The following ARFGEF2 variants were observed in gnomAD, a reference collection of about 807,000 sequenced individuals.
ARFGEF2 encodes brefeldin A-inhibited guanine nucleotide-exchange protein 2.
Under a neutral mutation model 219.9 loss-of-function variants are expected in ARFGEF2, and 74 were observed. The observed-to-expected ratio is 0.34, with a 90% CI of 0.28 to 0.41. The LOEUF (loss-of-function observed/expected upper bound fraction) is 0.41. ARFGEF2 is among the 10% of genes least tolerant of loss of function. The pLI is 1.00. For synonymous variants in ARFGEF2, 733 were observed against 799.2 expected, an observed-to-expected ratio of 0.92 and a Z score of 1.40; for missense variants, 1,743 against 2,218.3, an observed-to-expected ratio of 0.79 and a Z score of 4.30.
chr20:48,970,607 G>A (rs939186798), intron 9 of ARFGEF2, among the ~76,000 whole-genome samples: 4 of 151,894 alleles, frequency 2.6e-5, no homozygotes, highest in Admixed American at 1.3e-4. Context: ...GCAAAACTCC[G>A]TCTCAAAAAA....
At chr20:49,017,188 G>T (rs112119331) in intron 31 of ARFGEF2, 61 bp from the exon 32 acceptor site, 17 of 1,563,534 alleles carry the variant, frequency 1.1e-5, no homozygotes, top group Non-Finnish European at 1.3e-5. Flanking sequence ...CAGTATTTGA[G>T]ACCTGGTTGG....
intron 1 of ARFGEF2, among the ~76,000 whole-genome samples, chr20:48,935,700 G>T (rs963864988): frequency 1.3e-5 from 2 of 150,688 alleles, no homozygotes; most frequent in Non-Finnish European, 1.5e-5. Context: ...CCTCCTGGAC[G>T]GGGCGGCTAG....
chr20:49,033,853 T>C lies in ARFGEF2; in HGVS notation c.*654T>C, dbSNP rs1190738415. The C allele has an allele frequency of 6.6e-6, 1 of 152,560 alleles. No individual in the cohort carries two copies. The highest frequency in any genetic ancestry group is 6.5e-5 in the Admixed American group (1 of 15,270). 9.5% of individuals were successfully genotyped at this position (152,560 alleles called of 1,614,324 possible). ...AGTAATTAAGTTAGAATTAAGAGTT[T>C]TGCGAGGTTAAAAAAATGTGCCTCG... is the stretch of plus-strand genomic sequence containing the variant. On this transcript the variant is annotated 3_prime_UTR_variant, in exon 39 of 39. Coordinates refer to ENST00000371917, the MANE Select transcript of ARFGEF2 (RefSeq NM_006420.3).
At chr20:48,922,466 T>G (rs1265209277) in intron 1 of ARFGEF2, among the ~76,000 whole-genome samples, 1 of 152,178 alleles carries the variant, frequency 6.6e-6, no homozygotes, top group South Asian at 2.1e-4. Flanking sequence ...GAGAATGTTT[T>G]CCTTTGGTTT....
At chr20:49,029,836 G>T (rs912767529) in intron 37 of ARFGEF2, among the ~76,000 whole-genome samples, 1 of 150,838 alleles carries the variant, frequency 6.6e-6, no homozygotes, top group Non-Finnish European at 1.5e-5. Context: ...CAGGTGATCT[G>T]CCGACCTCCG....
At position 48,984,823 on chromosome 20, in the gene ARFGEF2, G is replaced by A; in HGVS notation, c.2053G>A (p.Glu685Lys). Residue 685 changes from glutamate (E) to lysine (K), a missense_variant, in exon 15 of 39, where the codon GAG becomes AAG. Glu to Lys is a moderately conservative substitution (Grantham distance 56). Around this residue, in one of 5 missense-constraint regions of ARFGEF2, gnomAD observed 666 missense variants for 955.4 expected, o/e 0.70. Transcript: ENST00000371917. ...AGACATAGCCCAATTCCTGCACCAG[G>A]AGGAGCGCCTGGATTCCGTAAGGCT... ...VEDIAQFLHQEERLDSTQVGD... is the reference protein window; with the variant it reads ...VEDIAQFLHQKERLDSTQVGD... 6.2e-7 allele frequency: 1 copy of A among 1,612,790 alleles called. No individual in the cohort carries two copies. Among genetic ancestry groups the A allele is most frequent in the African/African-American group, 1.3e-5 (1 of 74,984 alleles).
intron 25 of ARFGEF2, 89 bp from the exon 26 acceptor site, chr20:49,004,981 A>G (rs1380053649): frequency 8.5e-6 from 12 of 1,411,798 alleles, no homozygotes; most frequent in Non-Finnish European, 1.2e-5. Context: ...TTTGTTTTGA[A>G]GGTAGGCTGT....
At chr20:48,982,556 C>T (rs1168170817) in intron 14 of ARFGEF2, among the ~76,000 whole-genome samples, 1 of 152,192 alleles carries the variant, frequency 6.6e-6, no homozygotes, top group African/African-American at 2.4e-5. Flanking sequence ...TTTAAGTCTG[C>T]AGAAGTTTCT....
intron 22 of ARFGEF2, among the ~76,000 whole-genome samples, chr20:48,995,372 G>A (rs187266294): frequency 3.9e-5 from 6 of 152,244 alleles, no homozygotes; most frequent in Admixed American, 3.9e-4. Context: ...AATTGTAATA[G>A]CACCCACTTC....
In ARFGEF2 at chr20:48,980,848, C is replaced by T. The variant is rs1568719175; in HGVS notation, c.1959-3881C>T. Reference sequence around the variant, plus strand: ...TCCATTTGCTTGGTAGATCTTCCTCCATCCCTATATTTTGAGCCTGTGTGT... The same window carrying T: ...TCCATTTGCTTGGTAGATCTTCCTCTATCCCTATATTTTGAGCCTGTGTGT... On this transcript the variant is annotated intron_variant, in intron 14 of 38. Coordinates refer to ENST00000371917, the MANE Select transcript of ARFGEF2 (RefSeq NM_006420.3). 2.0e-5 allele frequency among the ~76,000 whole-genome samples: 3 copies of T among 152,236 alleles called. No homozygotes were observed. The East Asian group carries it at 5.8e-4, about 29-fold the overall frequency.
intron 3 of ARFGEF2, among the ~76,000 whole-genome samples, chr20:48,943,193 C>T (rs903707781): frequency 6.6e-6 from 1 of 152,134 alleles, no homozygotes; most frequent in African/African-American, 2.4e-5. Context: ...ATAGTGTTGC[C>T]TTGTTTGACC....
intron 26 of ARFGEF2, among the ~76,000 whole-genome samples, chr20:49,007,592 CTT>C (rs752508908): frequency 9.8e-4 from 96 of 97,834 alleles, no homozygotes; most frequent in African/African-American, 3.3e-3. Flanking sequence ...CCTGGTGTTG[CTT>C]TTTTTTTTTT....
In ARFGEF2 at chr20:49,032,065, C is replaced by T. The variant is rs375184784; in HGVS notation, c.5080C>T (p.Leu1694Phe). ...TTCTTCTAGTGTTTGCAGTGAAGCT[C>T]TTGCCTATTTCATCACTGTGAATTC... ...QRLLTVCSEA[L>F]AYFITVNSES... Residue 1694 changes from leucine (L) to phenylalanine (F), a missense_variant, in exon 38 of 39, where the codon CTT becomes TTT. This residue lies in a region of ARFGEF2 where 578 missense variants were observed against 664.0 expected (regional missense o/e 0.87). Transcript: ENST00000371917. 6.2e-7 allele frequency: 1 copy of T among 1,613,796 alleles called. No homozygotes were observed. The highest frequency in any genetic ancestry group is 8.5e-7 in the Non-Finnish European group (1 of 1,179,716).
At chr20:48,971,482 C>A in intron 10 of ARFGEF2, 128 bp downstream of exon 10, 1 of 866,056 alleles carries the variant, frequency 1.2e-6, no homozygotes, top group Non-Finnish European at 1.8e-6. Context: ...GAAAATGTTT[C>A]ATATCTTACC....
At chr20:49,030,510 T>C (rs1269054320) in intron 37 of ARFGEF2, among the ~76,000 whole-genome samples, 2 of 151,706 alleles carry the variant, frequency 1.3e-5, no homozygotes, top group East Asian at 1.9e-4. Context: ...AATATTGTCA[T>C]GTATCCCTTA....
At chr20:49,007,290 CTT>C (rs11483342) in intron 26 of ARFGEF2, among the ~76,000 whole-genome samples, 8 of 137,636 alleles carry the variant, frequency 5.8e-5, no homozygotes, top group Non-Finnish European at 6.2e-5. Context: ...CAGCCTGGAT[CTT>C]TTTTTTTTTT....
rs769401723 is a variant in ARFGEF2 at position 48,921,739 on chromosome 20, G to T, written c.-151G>T. 1.3e-6 allele frequency: 1 copy of T among 790,042 alleles called. No homozygotes were observed. Among genetic ancestry groups the T allele is most frequent in the Non-Finnish European group, 1.6e-6 (1 of 617,524 alleles). The allele number at this position is 790,042 out of a possible 1,614,324, so 48.9% of individuals were successfully genotyped here. A position where few individuals can be genotyped will look rare whatever the true frequency, so the allele number is the denominator to read the frequency against. On this transcript the variant is annotated 5_prime_UTR_variant, in exon 1 of 39. Coordinates refer to ENST00000371917, the MANE Select transcript of ARFGEF2 (RefSeq NM_006420.3). ...TGGTCACGTGACGCGCTCCAACATGGCGGCGCCGTGGGGCCGAGGTGTCGC... is the reference window on the plus strand; with the variant it reads ...TGGTCACGTGACGCGCTCCAACATGTCGGCGCCGTGGGGCCGAGGTGTCGC...
rs766957851 is a variant in ARFGEF2, at chr20:48,953,564, G to A, written c.612G>A (p.Glu204=). The change falls in exon 6 of 39, where the codon GAG becomes GAA. Residue 204 remains glutamate, a synonymous_variant. Coordinates refer to ENST00000371917, the MANE Select transcript of ARFGEF2 (RefSeq NM_006420.3). Reference sequence around the variant, plus strand: ...CTTTTGTTGCCTTTTAGTTGCAGGAGGCCAGAGAACTGGAAAAACCAATCC... The same window carrying A: ...CTTTTGTTGCCTTTTAGTTGCAGGAAGCCAGAGAACTGGAAAAACCAATCC... The part of the protein sequence containing the change: ...FTRMENQVLQ[E]ARELEKPIQS... The A allele has an allele frequency of 9.9e-6, 16 of 1,614,018 alleles. No individual in the cohort carries two copies. Among genetic ancestry groups the A allele is most frequent in the Non-Finnish European group, 1.4e-5 (16 of 1,179,968 alleles).
chr20:48,983,891 A>G (rs939071674), intron 14 of ARFGEF2, among the ~76,000 whole-genome samples: 12 of 152,016 alleles, frequency 7.9e-5, no homozygotes, highest in African/African-American at 2.4e-4. Flanking sequence ...GAGTCTATAC[A>G]TTGGTTAGCT....
Sources: gnomAD v4.1 joint callset for allele counts (sites outside exome capture counted in the v4.1 genomes callset) on GRCh38, gnomAD v4.1.1 for gene constraint, gnomAD v4.1.1 regional missense constraint, MANE v1.5 for transcripts, NCBI Gene and HGNC (gene_info 2026-07-23, HGNC 2026-07-21) for gene names.